KLF12: variants seen among roughly 807,000 people sequenced by gnomAD.
KLF12 encodes the protein Krueppel-like factor 12.
Under a neutral mutation model 37.8 loss-of-function variants are expected in KLF12, and 9 were observed. The ratio of observed to expected loss-of-function variants is 0.24; its 90% CI spans 0.14 to 0.42. KLF12 has a LOEUF of 0.42. KLF12 is among the 10% of genes least tolerant of loss of function. The pLI is 1.00. For missense variants in KLF12, 411 were observed against 516.0 expected (o/e 0.80, Z 1.97); for synonymous variants, 208 against 202.1 (o/e 1.03, Z -0.25).
intron 6 of KLF12, among the ~76,000 whole-genome samples, chr13:73,735,284 C>T (rs1244877189): frequency 6.6e-6 from 1 of 152,034 alleles, no homozygotes; most frequent in Non-Finnish European, 1.5e-5. Context: ...GGTGACAGGG[C>T]AAGACCCTGT....
In KLF12 at chr13:74,052,912, A is replaced by G. The variant is rs112531816; in HGVS notation, c.-31-57859T>C. 4.6e-3 allele frequency among the ~76,000 whole-genome samples: 695 copies of G among 152,274 alleles called. 7 individuals are homozygous for G. Among genetic ancestry groups the G allele is most frequent in the African/African-American group, 0.015 (630 of 41,552 alleles). ...GGGTTTTTCCTCATAATCTCTGCCA[A>G]TGAAATATCTTGTTTTCCCTCTAAA... On this transcript the variant is annotated intron_variant, in intron 1 of 7. Transcript: ENST00000377669.
the KLF12 span, among the ~76,000 whole-genome samples, chr13:74,206,234 G>A: frequency 1.3e-5 from 2 of 152,074 alleles, no homozygotes; most frequent in African/African-American, 4.8e-5. Context: ...ACAGTAGCTA[G>A]TTTATAGAAC....
chr13:73,938,796 G>T (rs1890062374), intron 3 of KLF12, among the ~76,000 whole-genome samples: 1 of 152,146 alleles, frequency 6.6e-6, no homozygotes, highest in South Asian at 2.1e-4. Flanking sequence ...CTAAAATGAG[G>T]GAGTGCATAG....
At chr13:73,952,136 G>A (rs1172559737) in intron 2 of KLF12, among the ~76,000 whole-genome samples, 2 of 152,168 alleles carry the variant, frequency 1.3e-5, no homozygotes, top group African/African-American at 2.4e-5. Flanking sequence ...GAAGTAACTA[G>A]AGAAAAGACC....
At chr13:73,833,576 ATGTG>A (rs1322451866) in intron 4 of KLF12, among the ~76,000 whole-genome samples, 1 of 152,034 alleles carries the variant, frequency 6.6e-6, no homozygotes, top group Non-Finnish European at 1.5e-5. Flanking sequence ...AGAAAAGATG[ATGTG>A]TGTGTGTTTG....
At chr13:73,698,218 G>A (rs1172339501) in intron 7 of KLF12, among the ~76,000 whole-genome samples, 1 of 151,386 alleles carries the variant, frequency 6.6e-6, no homozygotes, top group South Asian at 2.1e-4. Context: ...GAGGAGGGGA[G>A]GGGGAAAGAA....
At chr13:73,726,553 C>G (rs1876686144) in intron 6 of KLF12, among the ~76,000 whole-genome samples, 1 of 152,204 alleles carries the variant, frequency 6.6e-6, no homozygotes, top group South Asian at 2.1e-4. Context: ...TGTCTGCCTT[C>G]TTTCACTGAG....
At chr13:74,172,953 T>TA in the KLF12 span, among the ~76,000 whole-genome samples, 1 of 152,174 alleles carries the variant, frequency 6.6e-6, no homozygotes. Context: ...CTACATGAAA[T>TA]ACGCCCGTAC....
At chr13:74,159,696 T>A in the KLF12 span, among the ~76,000 whole-genome samples, 7 of 152,202 alleles carry the variant, frequency 4.6e-5, no homozygotes, top group South Asian at 1.5e-3. Flanking sequence ...GCTCTAAAAT[T>A]TTTTTTTCAG....
intron 4 of KLF12, among the ~76,000 whole-genome samples, chr13:73,831,176 G>A (rs1349323145): frequency 6.6e-6 from 1 of 152,048 alleles, no homozygotes; most frequent in Non-Finnish European, 1.5e-5. Context: ...GATAATTAAG[G>A]CATACTTTTT....
At chr13:74,207,297 C>G in the KLF12 span, among the ~76,000 whole-genome samples, 1 of 152,162 alleles carries the variant, frequency 6.6e-6, no homozygotes, top group Non-Finnish European at 1.5e-5. Flanking sequence ...TTATGCGGGA[C>G]ACATTCAAAC....
chr13:74,263,709 C>T, the KLF12 span, among the ~76,000 whole-genome samples: 1 of 152,128 alleles, frequency 6.6e-6, no homozygotes, highest in African/African-American at 2.4e-5. Flanking sequence ...CACTGCACTC[C>T]AGCCTGGCGA....
chr13:74,259,068 TTCTGGCCTGTGCCCCA>T, the KLF12 span: 1 of 152,238 alleles, frequency 6.6e-6, no homozygotes, highest in Non-Finnish European at 1.5e-5. Flanking sequence ...CTCCCCAAAC[TTCTGGCCTGTGCCCCA>T]GATAGACCAG....
chr13:74,289,966 A>T, the KLF12 span, among the ~76,000 whole-genome samples: 3 of 152,170 alleles, frequency 2.0e-5, no homozygotes, highest in African/African-American at 7.2e-5. Flanking sequence ...ATGTAGCTGG[A>T]GGCCCTATAT....
At chr13:74,267,551 A>G in the KLF12 span, among the ~76,000 whole-genome samples, 4 of 152,328 alleles carry the variant, frequency 2.6e-5, no homozygotes, top group Admixed American at 2.0e-4. Flanking sequence ...GGAGGTAGAG[A>G]GTAGAATGAT....
chr13:74,154,451 A>T, the KLF12 span, among the ~76,000 whole-genome samples: 3 of 152,238 alleles, frequency 2.0e-5, no homozygotes, highest in Non-Finnish European at 4.4e-5. Flanking sequence ...AGAATCTCTG[A>T]GATTGTGGAG....
At chr13:73,772,496 A>G (rs1355274598) in intron 5 of KLF12, among the ~76,000 whole-genome samples, 1 of 152,258 alleles carries the variant, frequency 6.6e-6, no homozygotes, top group East Asian at 1.9e-4. Context: ...GGTACACTTT[A>G]AAGGATACAT....
chr13:74,190,239 T>G, the KLF12 span, among the ~76,000 whole-genome samples: 3 of 152,178 alleles, frequency 2.0e-5, no homozygotes, highest in African/African-American at 7.2e-5. Flanking sequence ...CACCAAACTT[T>G]TTGACCTTTG....
intron 4 of KLF12, among the ~76,000 whole-genome samples, chr13:73,820,029 G>A (rs1388749481): frequency 6.6e-6 from 1 of 152,174 alleles, no homozygotes; most frequent in Non-Finnish European, 1.5e-5. Context: ...GAGGGCCTTG[G>A]AGGGTGACAT....
Sources: gnomAD v4.1 joint callset for allele counts (sites outside exome capture counted in the v4.1 genomes callset) on GRCh38, gnomAD v4.1.1 for gene constraint, MANE v1.5 for transcripts, NCBI Gene and HGNC (gene_info 2026-07-23, HGNC 2026-07-21) for gene names.